The following CUL9 variants were observed in gnomAD, a reference collection of about 807,000 sequenced individuals.
CUL9 encodes cullin 9.
CUL9 carries 79 observed loss-of-function variants against 272.6 expected under a neutral mutation model. The ratio of observed to expected loss-of-function variants is 0.29; its 90% CI spans 0.24 to 0.35. The LOEUF (loss-of-function observed/expected upper bound fraction) is 0.35. Ranked by LOEUF, CUL9 falls within the 10% of genes least tolerant of loss-of-function variation. The pLI is 1.00. For synonymous variants in CUL9, 1,186 were observed against 1,286.5 expected (o/e 0.92, Z 1.67); for missense variants, 2,532 against 3,255.6 (o/e 0.78, Z 5.41).
intron 8 of CUL9, chr6:43,188,995 G>A (rs1314381718): frequency 7.4e-6 from 2 of 269,540 alleles, no homozygotes. Context: ...TACTATATGG[G>A]TGAGGAAACT....
Position 43,223,753 on chromosome 6 carries a change from A to C in CUL9, c.7285-342A>C. The C allele has an allele frequency of 4.0e-6, 2 of 498,886 alleles. No homozygotes were observed. The highest frequency in any genetic ancestry group is 3.6e-6 in the Non-Finnish European group (1 of 275,088). The allele number at this position is 498,886 out of a possible 1,614,324, so 30.9% of individuals were successfully genotyped here. On this transcript the variant is annotated intron_variant, in intron 39 of 40. Coordinates refer to ENST00000252050, the MANE Select transcript of CUL9 (RefSeq NM_015089.4). This position sits in a 1 kb window ranked among gnomAD's most constrained non-coding sequence, Gnocchi z 4.1. ...TCAGGGGATTGGGGTCACTGGAGCA[A>C]GGGCTCTCCCAGGCTCTCTCCAGCT...
Position 43,200,723 on chromosome 6 carries a change from C to A in CUL9, c.3536C>A (p.Pro1179Gln). Residue 1179 changes from proline (P) to glutamine (Q), a missense_variant, in exon 16 of 41, where the codon CCG (proline) becomes CAG (glutamine). Physicochemically the swap from Pro to Gln is moderately conservative, Grantham distance 76. Around this residue, in one of 3 missense-constraint regions of CUL9, gnomAD observed 2,218 missense variants for 2,788.6 expected, o/e 0.80. Transcript: ENST00000252050. The surrounding 1 kb of genome is among the most constrained non-coding windows in gnomAD (Gnocchi z 4.0). ...CWEKVEVSSN[P>Q]HRASKLTDHN... ...GAGAAGGTGGAGGTGTCCTCCAACC[C>A]GCACCGAGCCAGCAAGCTGACGGAC... The A allele has an allele frequency of 6.2e-7, 1 of 1,614,194 alleles. No individual in the cohort carries two copies. The highest frequency in any genetic ancestry group is 8.5e-7 in the Non-Finnish European group (1 of 1,180,036).
chr6:43,184,417 C>G lies in CUL9; in HGVS notation c.107C>G (p.Pro36Arg), dbSNP rs1184531000. The G allele has an allele frequency of 1.4e-5, 22 of 1,613,688 alleles. No individual in the cohort carries two copies. Among genetic ancestry groups the G allele is most frequent in the Non-Finnish European group, 1.7e-5 (20 of 1,179,872 alleles). The change falls in exon 2 of 41, where the codon CCT becomes CGT. Residue 36 changes from proline to arginine, a missense_variant. This residue lies in a region of CUL9 where 2,218 missense variants were observed against 2,788.6 expected (regional missense o/e 0.80). Coordinates refer to ENST00000252050, the MANE Select transcript of CUL9 (RefSeq NM_015089.4). This position sits in a 1 kb window ranked among gnomAD's most constrained non-coding sequence, Gnocchi z 4.8. The stretch of plus-strand genomic sequence containing the variant: ...CAGAGGCCTGGGCATGACGGGCATC[C>G]TGAATACCTGATCCGATGGAGTGTC... ...IRQRPGHDGHPEYLIRWSVLK... is the reference protein window; with the variant it reads ...IRQRPGHDGHREYLIRWSVLK...
At chr6:43,182,842 C>T (rs567534527) in intron 1 of CUL9, among the ~76,000 whole-genome samples, 37 of 152,360 alleles carry the variant, frequency 2.4e-4, no homozygotes, top group African/African-American at 8.9e-4. Flanking sequence ...GTTGCCCCTG[C>T]ACTGCTTCAT....
chr6:43,188,650 C>G lies in CUL9; in HGVS notation c.2115C>G (p.Leu705=). 4 of 1,614,206 alleles carry G rather than the reference C, an allele frequency of 2.5e-6. No homozygotes were observed. The highest frequency in any genetic ancestry group is 3.4e-6 in the Non-Finnish European group (4 of 1,180,036). ...TNLQLSGLSA[L]SQAVEEVTER... is the part of the protein sequence containing the mutation. ...TGCAGCTTTCAGGGCTCTCTGCCCTCTCTCAGGCTGTGGAGGAGGTCACTG... is the reference window on the plus strand; with the variant it reads ...TGCAGCTTTCAGGGCTCTCTGCCCTGTCTCAGGCTGTGGAGGAGGTCACTG... Residue 705 remains leucine, a synonymous_variant, in exon 8 of 41, where the codon CTC becomes CTG. Transcript: ENST00000252050.
Position 43,222,545 on chromosome 6 carries a change from C to T in CUL9, c.6936C>T (p.Asn2312=), listed in dbSNP as rs1327237435. The change falls in exon 37 of 41, where the codon AAC becomes AAT. Residue 2312 remains asparagine (N), a synonymous_variant. Coordinates refer to ENST00000252050, the MANE Select transcript of CUL9 (RefSeq NM_015089.4). ...FHHQAREFAV[N]LRNRVSAIHE... ...CCTCCACACAGGAGTTTGCTGTGAA[C>T]TTGCGGAACCGGGTGTCTGCCATCC... is the stretch of plus-strand genomic sequence containing the variant. The T allele has an allele frequency of 6.2e-7, 1 of 1,613,810 alleles. No individual in the cohort carries two copies. The highest frequency in any genetic ancestry group is 8.5e-7 in the Non-Finnish European group (1 of 1,180,028).
rs1774806651 is a variant in CUL9 at position 43,203,597 on chromosome 6, G to A, written c.4025+5G>A. ...CCTCCTCCAGCTCTGTCCCAGGTGG[G>A]TGGGGCCTGAGGAGGGAAGATGGGT... On this transcript the variant is annotated splice_donor_5th_base_variant and intron_variant, in intron 19 of 40. Coordinates refer to ENST00000252050, the MANE Select transcript of CUL9 (RefSeq NM_015089.4). The surrounding 1 kb of genome is among the most constrained non-coding windows in gnomAD (Gnocchi z 5.0). 2.5e-6 allele frequency: 4 copies of A among 1,612,144 alleles called. No individual in the cohort carries two copies. In the South Asian group the frequency reaches 4.4e-5, roughly 18 times the overall value.
At chr6:43,185,343 T>C in intron 2 of CUL9, 113 bp from the exon 3 acceptor site, 1 of 1,033,536 alleles carries the variant, frequency 9.7e-7, no homozygotes. Context: ...TTTCTTTCTG[T>C]GAGCCTTAGT....
In CUL9 at chr6:43,206,543, G is replaced by C. The variant is rs765707837; in HGVS notation, c.5212+33G>C. On this transcript the variant is annotated intron_variant, in intron 26 of 40. Transcript: ENST00000252050. The surrounding 1 kb of genome is among the most constrained non-coding windows in gnomAD (Gnocchi z 4.8). ...ACTAGGGAGAGGAAATTGGAGATCG[G>C]GGTGAGATTCGGGGTGGCAAGAGAG... The C allele has an allele frequency of 8.7e-6, 14 of 1,606,432 alleles. No homozygotes were observed. The African/African-American group carries it at 1.5e-4, about 17-fold the overall frequency.
At chr6:43,210,766 TTTA>T (rs1283244712) in intron 26 of CUL9, among the ~76,000 whole-genome samples, 18 of 152,100 alleles carry the variant, frequency 1.2e-4, no homozygotes, top group South Asian at 1.0e-3. Flanking sequence ...AATGAATTAA[TTTA>T]TTATTAATTA....
intron 11 of CUL9, 44 bp downstream of exon 11, chr6:43,196,906 C>A (rs553914142): frequency 6.6e-7 from 1 of 1,508,474 alleles, no homozygotes. Context: ...TCACACAGTG[C>A]CAGCCAGGTT....
In CUL9 at chr6:43,186,451, T is replaced by G; in HGVS notation, c.1247T>G (p.Val416Gly). The G allele has an allele frequency of 6.3e-7, 1 of 1,587,240 alleles. No individual in the cohort carries two copies. Among genetic ancestry groups the G allele is most frequent in the Non-Finnish European group, 8.6e-7 (1 of 1,161,884 alleles). The change falls in exon 4 of 41, where the codon GTG becomes GGG. Residue 416 changes from valine (V) to glycine (G), a missense_variant. Coordinates refer to ENST00000252050, the MANE Select transcript of CUL9 (RefSeq NM_015089.4). Reference sequence around the variant, plus strand: ...CAGAGCAACAACGGCATTCCCCCTGTGCAGGTGGGCAGCACATGGTGGTGA... The same window carrying G: ...CAGAGCAACAACGGCATTCCCCCTGGGCAGGTGGGCAGCACATGGTGGTGA... Reference protein sequence around the residue: ...FRQSNNGIPPVQVFWQSTGRT... With the variant: ...FRQSNNGIPPGQVFWQSTGRT...
chr6:43,183,141 CAG>C (rs1365091535), intron 1 of CUL9, among the ~76,000 whole-genome samples: 38 of 152,306 alleles, frequency 2.5e-4, no homozygotes, highest in African/African-American at 9.1e-4. Context: ...AGCCAGAATT[CAG>C]AGTCACATTT....
chr6:43,215,296 G>C lies in CUL9; in HGVS notation c.5906G>C (p.Cys1969Ser). The C allele has an allele frequency of 6.2e-7, 1 of 1,612,910 alleles. No individual in the cohort carries two copies. The highest frequency in any genetic ancestry group is 8.5e-7 in the Non-Finnish European group (1 of 1,179,716). ...PCRGQADVPF[C>S]GSQSETSKPS... ...CGGGGTCAGGCAGATGTCCCTTTCT[G>C]TGGCAGCCAGAGCGAAACCTCCAAG... The change falls in exon 30 of 41, where the codon TGT becomes TCT. Residue 1969 changes from cysteine to serine, a missense_variant. By Grantham distance (112) the Cys-to-Ser change is moderately radical. Coordinates refer to ENST00000252050, the MANE Select transcript of CUL9 (RefSeq NM_015089.4).
rs781525931 is a variant in CUL9 at position 43,220,438 on chromosome 6, C to T, written c.6283-21C>T. On this transcript the variant is annotated intron_variant, in intron 31 of 40. Transcript: ENST00000252050. The surrounding 1 kb of genome is among the most constrained non-coding windows in gnomAD (Gnocchi z 4.9). ...TGCTCCCACACTGTCTGTGAGCAGC[C>T]CCTCCTTTTGTCCCTCCCAGTCTTG... 3.7e-6 allele frequency: 6 copies of T among 1,613,566 alleles called. No individual in the cohort carries two copies. The South Asian group carries it at 6.6e-5, about 18-fold the overall frequency.
Position 43,224,310 on chromosome 6 carries a change from G to C in CUL9, c.7419G>C (p.Val2473=). 2 of 1,614,216 alleles carry C rather than the reference G, an allele frequency of 1.2e-6. No homozygotes were observed. Among genetic ancestry groups the C allele is most frequent in the Non-Finnish European group, 1.7e-6 (2 of 1,180,046 alleles). Residue 2473 remains valine (V), a synonymous_variant, in exon 41 of 41, where the codon GTG becomes GTC. Coordinates refer to ENST00000252050, the MANE Select transcript of CUL9 (RefSeq NM_015089.4). The surrounding 1 kb of genome is among the most constrained non-coding windows in gnomAD (Gnocchi z 4.2). ...EEEEEDDEDD[V]PEWQQDEFDE... ...AGGAGGAAGACGATGAGGATGATGT[G>C]CCCGAGTGGCAGCAGGATGAGTTTG...
Position 43,220,833 on chromosome 6 carries a change from G to C in CUL9, c.6510G>C (p.Leu2170=), listed in dbSNP as rs375018362. Reference sequence around the variant, plus strand: ...ACCCCCAGGGCTGCGACCGCATCCTGTGCCGCCAGGGCCTGGGCTGTGGGA... The same window carrying C: ...ACCCCCAGGGCTGCGACCGCATCCTCTGCCGCCAGGGCCTGGGCTGTGGGA... The part of the protein sequence containing the change: ...CTNPQGCDRI[L]CRQGLGCGTT... The change falls in exon 33 of 41, where the codon CTG becomes CTC. Residue 2170 remains leucine (L), a synonymous_variant. Coordinates refer to ENST00000252050, the MANE Select transcript of CUL9 (RefSeq NM_015089.4). This position sits in a 1 kb window ranked among gnomAD's most constrained non-coding sequence, Gnocchi z 4.9. 5 of 1,613,748 alleles carry C rather than the reference G, an allele frequency of 3.1e-6. No homozygotes were observed. The Admixed American group carries it at 5.0e-5, about 16-fold the overall frequency.
rs1292142672 is a variant in CUL9, at chr6:43,185,529, C to G, written c.669C>G (p.Arg223=). 1 of 1,614,002 alleles carries G rather than the reference C, an allele frequency of 6.2e-7. No homozygotes were observed. The highest frequency in any genetic ancestry group is 1.1e-5 in the South Asian group (1 of 91,082). ...GIEQHMDFDS[R]YTLLELFAET... ...AGCAGCACATGGATTTTGACAGTCGCTATACATTGCTGGAGCTGTTTGCAG... is the reference window on the plus strand; with the variant it reads ...AGCAGCACATGGATTTTGACAGTCGGTATACATTGCTGGAGCTGTTTGCAG... Residue 223 remains arginine, a synonymous_variant, in exon 3 of 41, where the codon CGC becomes CGG. Coordinates refer to ENST00000252050, the MANE Select transcript of CUL9 (RefSeq NM_015089.4).
chr6:43,192,889 A>T, intron 8 of CUL9, 112 bp from the exon 9 acceptor site: 2 of 881,090 alleles, frequency 2.3e-6, no homozygotes, highest in Non-Finnish European at 3.6e-6. Flanking sequence ...GGCAGAGAGG[A>T]TGGACTAGAT....
Sources: gnomAD v4.1 joint callset for allele counts (sites outside exome capture counted in the v4.1 genomes callset) on GRCh38, gnomAD v4.1.1 for gene constraint, gnomAD v4.1.1 regional missense constraint, Gnocchi (gnomAD v3.1) non-coding constraint, MANE v1.5 for transcripts, NCBI Gene and HGNC (gene_info 2026-07-23, HGNC 2026-07-21) for gene names.